Variants in TBXAS1 observed in about 807,000 individuals in gnomAD.
The protein encoded by TBXAS1 is thromboxane-A synthase.
TBXAS1 carries 48 observed loss-of-function variants against 60.7 expected under a neutral mutation model. The ratio of observed to expected loss-of-function variants is 0.79; its 90% CI spans 0.63 to 1.01. The LOEUF (loss-of-function observed/expected upper bound fraction) is 1.01. Ranked by LOEUF, TBXAS1 falls within the 50% of genes least tolerant of loss-of-function variation. The pLI, the probability that TBXAS1 is intolerant of heterozygous loss-of-function variation, is 0.00. For missense variants in TBXAS1, 685 were observed against 686.3 expected, an observed-to-expected ratio of 1.00 and a Z score of 0.02; for synonymous variants, 287 against 269.7, an observed-to-expected ratio of 1.06 and a Z score of -0.63.
At chr7:139,963,247 T>C (rs2117389183) in intron 9 of TBXAS1, among the ~76,000 whole-genome samples, 1 of 152,360 alleles carries the variant, frequency 6.6e-6, no homozygotes, top group African/African-American at 2.4e-5. Flanking sequence ...AAGCTGGGCC[T>C]TTCCAAACCC....
chr7:140,019,912 C>T, intron 12 of TBXAS1, 113 bp from the exon 13 acceptor site: 1 of 1,009,130 alleles, frequency 9.9e-7, no homozygotes, highest in East Asian at 2.5e-5. Context: ...TCTCTGCTTT[C>T]TTCTTGTGTG....
chr7:139,909,757 C>T (rs1174370059), intron 3 of TBXAS1, among the ~76,000 whole-genome samples: 1 of 152,322 alleles, frequency 6.6e-6, no homozygotes, highest in East Asian at 1.9e-4. Context: ...GTGTGACTTT[C>T]CCCTTTAAAA....
chr7:139,888,489 T>A (rs559777769), intron 3 of TBXAS1, among the ~76,000 whole-genome samples: 2 of 152,264 alleles, frequency 1.3e-5, no homozygotes, highest in East Asian at 3.9e-4. Context: ...GGCTTCTCAA[T>A]TTTTTTCCTC....
In TBXAS1 at chr7:139,852,989, C is replaced by T. The variant is rs981999677; in HGVS notation, c.90-19246C>T. Among the ~76,000 whole-genome samples the T allele has an allele frequency of 1.4e-5, 2 of 139,228 alleles. No homozygotes were observed. Among genetic ancestry groups the T allele is most frequent in the Non-Finnish European group, 3.1e-5 (2 of 65,362 alleles). The allele number at this position is 139,228 out of a possible 152,430, so 91.3% of individuals were successfully genotyped here. A position where few individuals can be genotyped will look rare whatever the true frequency, so the allele number is the denominator to read the frequency against. On this transcript the variant is annotated intron_variant, in intron 1 of 12. Coordinates refer to ENST00000448866, the MANE Select transcript of TBXAS1 (RefSeq NM_001061.7). This position sits in a 1 kb window ranked among gnomAD's most constrained non-coding sequence, Gnocchi z 4.4. ...ACACACACACACACACACACACACACAGTTGGCCAAAGAAGCAACCTGTCT... is the reference window on the plus strand; with the variant it reads ...ACACACACACACACACACACACACATAGTTGGCCAAAGAAGCAACCTGTCT...
At chr7:139,928,708 TCC>T (rs1286711539) in intron 4 of TBXAS1, among the ~76,000 whole-genome samples, 2 of 152,366 alleles carry the variant, frequency 1.3e-5, no homozygotes, top group Non-Finnish European at 2.9e-5. Context: ...TTCTCCTCTT[TCC>T]CCATAAGAAT....
intron 11 of TBXAS1, chr7:140,016,427 G>A: frequency 3.3e-6 from 1 of 299,482 alleles, no homozygotes. Flanking sequence ...CATTTCAGCA[G>A]CCCTGCATGC....
At chr7:139,938,003 G>T (rs1347767462) in intron 5 of TBXAS1, among the ~76,000 whole-genome samples, 1 of 152,136 alleles carries the variant, frequency 6.6e-6, no homozygotes, top group Non-Finnish European at 1.5e-5. Flanking sequence ...ATGGAAAGAG[G>T]TTTTAGGCAA....
intron 4 of TBXAS1, among the ~76,000 whole-genome samples, chr7:139,803,750 C>T (rs1018647272): frequency 2.6e-5 from 4 of 152,224 alleles, no homozygotes; most frequent in African/African-American, 9.6e-5. Context: ...ACCACTTGGA[C>T]TTGTGGCTTC....
At chr7:139,820,467 G>C (rs1798267575) in intron 4 of TBXAS1, among the ~76,000 whole-genome samples, 1 of 152,210 alleles carries the variant, frequency 6.6e-6, no homozygotes, top group South Asian at 2.1e-4. Flanking sequence ...TGGTGGCATT[G>C]CTTCAACTCC....
intron 7 of TBXAS1, among the ~76,000 whole-genome samples, chr7:139,956,467 A>G (rs1254239352): frequency 1.3e-5 from 2 of 152,178 alleles, no homozygotes; most frequent in Non-Finnish European, 2.9e-5. Context: ...TTATTGTAGA[A>G]GTGAGATTTT....
At chr7:139,962,287 TTG>T in intron 9 of TBXAS1, 54 bp downstream of exon 9, 2 of 1,604,838 alleles carry the variant, frequency 1.2e-6, no homozygotes, top group Non-Finnish European at 1.7e-6. Flanking sequence ...ACAATTGATT[TTG>T]TGTTTGTGGG....
At chr7:139,863,989 T>C (rs961754947) in intron 1 of TBXAS1, among the ~76,000 whole-genome samples, 1 of 152,162 alleles carries the variant, frequency 6.6e-6, no homozygotes, top group African/African-American at 2.4e-5. Flanking sequence ...TTTTGAAACA[T>C]TAGCTGCATT....
intron 1 of TBXAS1, among the ~76,000 whole-genome samples, chr7:139,840,964 A>G (rs1194313192): frequency 6.6e-6 from 1 of 152,190 alleles, no homozygotes; most frequent in Non-Finnish European, 1.5e-5. Context: ...CGTGACTTCT[A>G]TGCCCACTGG....
At chr7:139,960,844 C>G (rs534691158) in intron 8 of TBXAS1, among the ~76,000 whole-genome samples, 2 of 152,030 alleles carry the variant, frequency 1.3e-5, no homozygotes, top group Non-Finnish European at 2.9e-5. Context: ...TAGCAGAGTA[C>G]TTTGCATGAA....
intron 6 of TBXAS1, 80 bp downstream of exon 6, chr7:139,953,536 ACCT>A (rs1342557003): frequency 2.9e-5 from 39 of 1,360,358 alleles, no homozygotes; most frequent in Non-Finnish European, 4.0e-5. Flanking sequence ...GCTGACAATT[ACCT>A]TGGGACTAGC....
intron 2 of TBXAS1, among the ~76,000 whole-genome samples, chr7:139,781,529 G>C (rs1254978834): frequency 6.6e-6 from 1 of 152,136 alleles, no homozygotes; most frequent in Non-Finnish European, 1.5e-5. Flanking sequence ...AGAGGCCCAC[G>C]TCAGATGAAA....
intron 11 of TBXAS1, among the ~76,000 whole-genome samples, chr7:140,017,434 G>A (rs1410959214): frequency 6.6e-6 from 1 of 152,232 alleles, no homozygotes; most frequent in Non-Finnish European, 1.5e-5. Context: ...GAGAGGCAGG[G>A]AGGGAGCTGT....
At chr7:139,935,132 A>T (rs572495958) in intron 4 of TBXAS1, among the ~76,000 whole-genome samples, 1 of 152,272 alleles carries the variant, frequency 6.6e-6, no homozygotes, top group African/African-American at 2.4e-5. Context: ...CTCTTCAAAG[A>T]CCTTATCTCC....
chr7:139,942,863 C>A (rs1042030172), intron 5 of TBXAS1, among the ~76,000 whole-genome samples: 2 of 152,198 alleles, frequency 1.3e-5, no homozygotes, highest in African/African-American at 4.8e-5. Flanking sequence ...AAGGCAGAGG[C>A]AGATGTGGTT....
Sources: gnomAD v4.1 joint callset for allele counts (sites outside exome capture counted in the v4.1 genomes callset) on GRCh38, gnomAD v4.1.1 for gene constraint, Gnocchi (gnomAD v3.1) non-coding constraint, MANE v1.5 for transcripts, NCBI Gene and HGNC (gene_info 2026-07-23, HGNC 2026-07-21) for gene names.